The following PCED1B variants were observed in gnomAD, a reference collection of about 807,000 sequenced individuals.
PCED1B encodes the protein PC-esterase domain-containing protein 1B.
For synonymous variants in PCED1B, 251 were observed against 246.1 expected, an observed-to-expected ratio of 1.02 and a Z score of -0.19; for missense variants, 573 against 573.9, an observed-to-expected ratio of 1.00 and a Z score of 0.02.
intron 2 of PCED1B, among the ~76,000 whole-genome samples, chr12:47,197,238 C>CAA (rs57095369): frequency 3.7e-3 from 215 of 58,410 alleles, no homozygotes; most frequent in East Asian, 6.2e-3. Flanking sequence ...GACTCTGTCT[C>CAA]AAAAAAAAAA....
chr12:47,234,978 C>T (rs755696060), intron 3 of PCED1B, 29 bp from the exon 4 acceptor site: 24 of 1,329,500 alleles, frequency 1.8e-5, no homozygotes, highest in Non-Finnish European at 2.2e-5. Context: ...AGGTGAGTCC[C>T]TCCCAGCCCT....
intron 2 of PCED1B, among the ~76,000 whole-genome samples, chr12:47,156,605 C>A (rs12368600): frequency 0.23 from 35,124 of 151,596 alleles, 5,220 homozygotes; most frequent in Non-Finnish European, 0.33. Flanking sequence ...CCTTTAGAAC[C>A]TATTCTAGCC....
intron 1 of PCED1B, among the ~76,000 whole-genome samples, chr12:47,097,991 AC>A (rs1418714325): frequency 2.0e-5 from 3 of 152,252 alleles, no homozygotes; most frequent in African/African-American, 7.2e-5. Flanking sequence ...ATAAGGTCTT[AC>A]CATTTCCAAG....
At chr12:47,223,770 T>C (rs954928237) in intron 3 of PCED1B, 3 of 152,238 alleles carry the variant, frequency 2.0e-5, no homozygotes, top group Non-Finnish European at 2.9e-5. Context: ...GCCTGTGTTT[T>C]CTCTGGAATC....
At chr12:47,169,557 C>G (rs1592230794) in intron 2 of PCED1B, among the ~76,000 whole-genome samples, 1 of 151,690 alleles carries the variant, frequency 6.6e-6, no homozygotes, top group South Asian at 2.1e-4. Flanking sequence ...ATTTTTTGCC[C>G]CATTGGATTT....
At chr12:47,144,640 C>T (rs1017133936) in intron 2 of PCED1B, among the ~76,000 whole-genome samples, 1 of 152,192 alleles carries the variant, frequency 6.6e-6, no homozygotes, top group African/African-American at 2.4e-5. Context: ...GCCTACTACA[C>T]AGCTAGGCTA....
intron 1 of PCED1B, among the ~76,000 whole-genome samples, chr12:47,092,979 A>G (rs112259315): frequency 2.0e-5 from 3 of 152,006 alleles, no homozygotes; most frequent in Non-Finnish European, 4.4e-5. Flanking sequence ...AGGGTTTAAA[A>G]ATCAAGTTTA....
At chr12:47,210,836 C>T (rs1337959350) in intron 2 of PCED1B, 1 of 151,762 alleles carries the variant, frequency 6.6e-6, no homozygotes, top group Non-Finnish European at 1.5e-5. Context: ...AAAGAGCACC[C>T]TAAAAGAAAA....
chr12:47,122,813 TC>T (rs1460310431), intron 2 of PCED1B, among the ~76,000 whole-genome samples: 2 of 152,202 alleles, frequency 1.3e-5, no homozygotes, highest in Non-Finnish European at 2.9e-5. Flanking sequence ...TTGTCAAAAA[TC>T]TGTTCAATGA....
intron 3 of PCED1B, among the ~76,000 whole-genome samples, chr12:47,217,448 GAAAGAAAGAA>G (rs1263651695): frequency 4.2e-5 from 2 of 47,364 alleles, no homozygotes; most frequent in African/African-American, 2.0e-4. Flanking sequence ...AAGAAAGAAA[GAAAGAAAGAA>G]AAAGAAAGAA....
chr12:47,187,180 A>G (rs1346262946), intron 2 of PCED1B, among the ~76,000 whole-genome samples: 3 of 152,190 alleles, frequency 2.0e-5, no homozygotes, highest in African/African-American at 7.2e-5. Context: ...CCTTCTCCAG[A>G]AGCACTCAGG....
At chr12:47,135,613 T>C in intron 2 of PCED1B, 1 of 502,588 alleles carries the variant, frequency 2.0e-6, no homozygotes, top group Admixed American at 2.1e-5. Context: ...CCCAGTCAGG[T>C]CACCAACCAT....
intron 3 of PCED1B, among the ~76,000 whole-genome samples, chr12:47,221,687 G>A (rs2137836296): frequency 6.6e-6 from 1 of 152,266 alleles, no homozygotes. Flanking sequence ...AGAATGTGCT[G>A]CCATCATTCC....
chr12:47,191,784 T>C (rs1248613885), intron 2 of PCED1B, among the ~76,000 whole-genome samples: 1 of 151,264 alleles, frequency 6.6e-6, no homozygotes, highest in Non-Finnish European at 1.5e-5. Context: ...GGGGTTTTTT[T>C]GGTTTTTTTG....
At chr12:47,182,217 G>T (rs1942116386) in intron 2 of PCED1B, among the ~76,000 whole-genome samples, 1 of 152,176 alleles carries the variant, frequency 6.6e-6, no homozygotes, top group South Asian at 2.1e-4. Context: ...GATTTGGTTA[G>T]ATAAGAAAGA....
At chr12:47,150,147 G>A (rs1949864) in intron 2 of PCED1B, among the ~76,000 whole-genome samples, 110,080 of 152,058 alleles carry the variant, frequency 0.72, 40,128 homozygotes, top group African/African-American at 0.8. Context: ...GAGGGGAAAA[G>A]TGTTCAGTAA....
chr12:47,080,914 A>G (rs543247322), intron 1 of PCED1B, among the ~76,000 whole-genome samples: 1 of 152,090 alleles, frequency 6.6e-6, no homozygotes, highest in African/African-American at 2.4e-5. Context: ...CGTGCGGGAC[A>G]GGGAAGTAAG....
chr12:47,089,884 C>T (rs974647228), intron 1 of PCED1B, among the ~76,000 whole-genome samples: 1 of 152,076 alleles, frequency 6.6e-6, no homozygotes, highest in Non-Finnish European at 1.5e-5. Context: ...AGTGATTCTC[C>T]TGCCTCAACC....
intron 2 of PCED1B, among the ~76,000 whole-genome samples, chr12:47,109,224 T>C (rs1048941101): frequency 3.3e-5 from 5 of 152,258 alleles, no homozygotes; most frequent in African/African-American, 1.2e-4. Context: ...CCTGCTTGCA[T>C]ACTGCTGCCA....
Sources: gnomAD v4.1 joint callset for allele counts (sites outside exome capture counted in the v4.1 genomes callset) on GRCh38, gnomAD v4.1.1 for gene constraint, MANE v1.5 for transcripts, NCBI Gene and HGNC (gene_info 2026-07-23, HGNC 2026-07-21) for gene names.